ADGRL3: variants seen among roughly 807,000 people sequenced by gnomAD.
The protein encoded by ADGRL3 is adhesion G protein-coupled receptor L3.
ADGRL3 carries 62 observed loss-of-function variants against 153.5 expected under a neutral mutation model. That is an observed-to-expected ratio of 0.40 (90% CI 0.33 to 0.50). The LOEUF (loss-of-function observed/expected upper bound fraction) is 0.50. Among genes scored for constraint, ADGRL3 ranks in the 20% least tolerant of loss-of-function variants. ADGRL3 has a pLI of 0.47. For synonymous variants in ADGRL3, 710 were observed against 672.5 expected (o/e 1.06, Z -0.86); for missense variants, 1,641 against 1,859.4 (o/e 0.88, Z 2.16).
intron 1 of ADGRL3, among the ~76,000 whole-genome samples, chr4:61,259,397 T>C (rs562561935): frequency 5.9e-5 from 9 of 151,508 alleles, no homozygotes; most frequent in African/African-American, 2.2e-4. Context: ...CACTCCAGCC[T>C]GGGCGACAGA....
intron 1 of ADGRL3, among the ~76,000 whole-genome samples, chr4:61,271,805 A>G (rs2093196958): frequency 6.6e-6 from 1 of 152,152 alleles, no homozygotes; most frequent in East Asian, 1.9e-4. Flanking sequence ...GGCTTCTCTT[A>G]GAGCTAAATA....
chr4:61,274,345 C>A (rs2093358259), intron 1 of ADGRL3, among the ~76,000 whole-genome samples: 1 of 152,146 alleles, frequency 6.6e-6, no homozygotes, highest in Non-Finnish European at 1.5e-5. Context: ...GAGTTACTTT[C>A]AAATTGTATC....
chr4:61,367,192 C>G (rs1045303334), intron 1 of ADGRL3, among the ~76,000 whole-genome samples: 3 of 151,208 alleles, frequency 2.0e-5, no homozygotes, highest in Non-Finnish European at 4.4e-5. Flanking sequence ...TTGGGATGTA[C>G]AAAAATGATT....
rs537866786 is a variant in ADGRL3, at chr4:61,787,605, C to T, written c.1400-26204C>T. Among the ~76,000 whole-genome samples the T allele has an allele frequency of 2.4e-4, 36 of 152,152 alleles. No homozygotes were observed. In the South Asian group the frequency reaches 5.2e-3, roughly 22 times the overall value. On this transcript the variant is annotated intron_variant, in intron 8 of 26. Coordinates refer to ENST00000683033, the MANE Select transcript of ADGRL3 (RefSeq NM_001387552.1). ...ATTCATTCAAAAGAATTATGTTTTT[C>T]CGCTAGTTTATCAGTACTTGAAACC...
At chr4:61,765,163 A>G in intron 8 of ADGRL3, among the ~76,000 whole-genome samples, 1 of 152,030 alleles carries the variant, frequency 6.6e-6, no homozygotes, top group Non-Finnish European at 1.5e-5. Flanking sequence ...GATGGCTTGG[A>G]AAAACAGTGT....
At chr4:61,843,977 T>C (rs565221807) in intron 9 of ADGRL3, among the ~76,000 whole-genome samples, 31 of 149,434 alleles carry the variant, frequency 2.1e-4, no homozygotes, top group African/African-American at 7.7e-4. Context: ...GCTGAGATGA[T>C]GCCATTGCAC....
chr4:61,847,606 ATATAT>A (rs367818428), intron 9 of ADGRL3, among the ~76,000 whole-genome samples: 1,508 of 65,884 alleles, frequency 0.023, 125 homozygotes, highest in East Asian at 0.19. Context: ...ATAATATATA[ATATAT>A]TATATATATA....
At chr4:61,461,761 G>A (rs190903943) in intron 2 of ADGRL3, among the ~76,000 whole-genome samples, 1 of 152,200 alleles carries the variant, frequency 6.6e-6, no homozygotes, top group Non-Finnish European at 1.5e-5. Flanking sequence ...CATATTGAAA[G>A]GATCTATAGA....
intron 11 of ADGRL3, 85 bp from the exon 12 acceptor site, chr4:61,909,475 T>C (rs2098711884): frequency 1.1e-6 from 1 of 883,074 alleles, no homozygotes; most frequent in African/African-American, 1.7e-5. Flanking sequence ...TGATTACAAT[T>C]ACATGCAAAC....
At chr4:62,032,277 T>G (rs1325430734) in intron 23 of ADGRL3, among the ~76,000 whole-genome samples, 1 of 151,388 alleles carries the variant, frequency 6.6e-6, no homozygotes, top group Non-Finnish European at 1.5e-5. Context: ...ACATAATATA[T>G]ATATATAAAT....
chr4:61,258,261 G>C (rs2092185777), intron 1 of ADGRL3, among the ~76,000 whole-genome samples: 1 of 152,136 alleles, frequency 6.6e-6, no homozygotes, highest in African/African-American at 2.4e-5. Context: ...AAGTCACCAT[G>C]GTTTTGGTGC....
intron 9 of ADGRL3, among the ~76,000 whole-genome samples, chr4:61,823,697 A>T (rs1345744721): frequency 1.3e-5 from 2 of 152,220 alleles, no homozygotes; most frequent in African/African-American, 4.8e-5. Context: ...TATTAAAAAA[A>T]ATCTGCTATG....
chr4:62,021,341 C>T (rs953421641), intron 21 of ADGRL3, among the ~76,000 whole-genome samples: 4 of 152,024 alleles, frequency 2.6e-5, no homozygotes, highest in African/African-American at 7.2e-5. Context: ...GTGCAATTAG[C>T]GAAACATTGC....
chr4:61,431,565 A>G (rs1334939909), intron 2 of ADGRL3, among the ~76,000 whole-genome samples: 2 of 152,234 alleles, frequency 1.3e-5, no homozygotes, highest in Non-Finnish European at 2.9e-5. Context: ...ACAATTTCAT[A>G]TAAAAGTGTT....
At chr4:61,321,073 C>T (rs1266401546) in intron 1 of ADGRL3, among the ~76,000 whole-genome samples, 2 of 152,134 alleles carry the variant, frequency 1.3e-5, no homozygotes, top group East Asian at 3.9e-4. Context: ...TTACATTGAA[C>T]CCATGTAGAT....
intron 2 of ADGRL3, among the ~76,000 whole-genome samples, chr4:61,419,010 AC>A (rs1197321718): frequency 6.7e-6 from 1 of 150,244 alleles, no homozygotes; most frequent in Non-Finnish European, 1.5e-5. Flanking sequence ...GGTTTCAATG[AC>A]ATTGTAATTC....
Position 61,646,336 on chromosome 4 carries a change from G to A in ADGRL3, c.474-30490G>A, listed in dbSNP as rs529976314. Among the ~76,000 whole-genome samples, 511 of 152,076 alleles carry A rather than the reference G, an allele frequency of 3.4e-3. 4 individuals are homozygous for A. Among genetic ancestry groups the A allele is most frequent in the Admixed American group, 9.0e-3 (137 of 15,278 alleles). On this transcript the variant is annotated intron_variant, in intron 5 of 26. Transcript: ENST00000683033. Reference sequence around the variant, plus strand: ...TGTTTCGTTGCTGGTGAGGAACTGCGTTCCTTTGGAGGAGGAGAGGCACTC... The same window carrying A: ...TGTTTCGTTGCTGGTGAGGAACTGCATTCCTTTGGAGGAGGAGAGGCACTC...
chr4:61,631,311 T>G (rs2093152481), intron 5 of ADGRL3, among the ~76,000 whole-genome samples: 1 of 152,174 alleles, frequency 6.6e-6, no homozygotes, highest in Admixed American at 6.5e-5. Flanking sequence ...GTTTCTAAGA[T>G]CAAATAAACT....
chr4:61,649,433 C>G lies in ADGRL3; in HGVS notation c.474-27393C>G, dbSNP rs151047181. 9.8e-4 allele frequency among the ~76,000 whole-genome samples: 149 copies of G among 152,116 alleles called. 1 individual carries two copies. The East Asian group carries it at 0.027, about 28-fold the overall frequency. ...ACCTGTTCGCCTATTGCTTGTATAC[C>G]TTCAGTCCTCCATAGATTTGTAGGT... On this transcript the variant is annotated intron_variant, in intron 5 of 26. Transcript: ENST00000683033.
Sources: allele counts gnomAD v4.1 joint callset (sites outside exome capture counted in the v4.1 genomes callset), GRCh38; gene constraint gnomAD v4.1.1; transcripts MANE v1.5; gene names NCBI Gene and HGNC (gene_info 2026-07-23, HGNC 2026-07-21).